Variants in PCDHGB3 observed in about 807,000 individuals in gnomAD.
PCDHGB3 encodes the protein protocadherin gamma subfamily B, 3, also known as protocadherin gamma-B3.
A neutral mutation model predicts 59.2 loss-of-function variants in PCDHGB3; 40 were observed. The observed-to-expected ratio is 0.68, with a 90% CI of 0.52 to 0.88. The LOEUF (loss-of-function observed/expected upper bound fraction) is 0.88, where lower values mean the gene tolerates loss of function less well. Among genes scored for constraint, PCDHGB3 ranks in the 40% least tolerant of loss-of-function variants. The pLI, the probability that PCDHGB3 is intolerant of heterozygous loss-of-function variation, is 0.00. For missense variants in PCDHGB3, 1,309 were observed against 1,187.9 expected (o/e 1.10, Z -1.50); for synonymous variants, 581 against 503.6 (o/e 1.15, Z -2.06).
chr5:141,499,466 G>C (rs1337970911), intron 2 of PCDHGB3, among the ~76,000 whole-genome samples: 1 of 152,034 alleles, frequency 6.6e-6, no homozygotes, highest in African/African-American at 2.4e-5. Flanking sequence ...TTACAATCTA[G>C]GGAGAACCAC....
In PCDHGB3 at chr5:141,486,858, C is replaced by T. The variant is rs2099636039; in HGVS notation, c.2416-7949C>T. The T allele has an allele frequency of 2.5e-6, 4 of 1,614,246 alleles. No homozygotes were observed. The highest frequency in any genetic ancestry group is 1.1e-5 in the South Asian group (1 of 91,088). On this transcript the variant is annotated intron_variant, in intron 1 of 3. Transcript: ENST00000576222. The surrounding 1 kb of genome is among the most constrained non-coding windows in gnomAD (Gnocchi z 5.0). ...TTTGTGCTGGACCTCAATGACAATGCTCCAGCTGTGCTCCGTCCTCGGGCC... is the reference window on the plus strand; with the variant it reads ...TTTGTGCTGGACCTCAATGACAATGTTCCAGCTGTGCTCCGTCCTCGGGCC...
At chr5:141,375,622 TCTGTACGCC>T in intron 1 of PCDHGB3, 1 of 1,614,200 alleles carries the variant, frequency 6.2e-7, no homozygotes. Flanking sequence ...ACACTGGGAT[TCTGTACGCC>T]CTGCGCTCCT....
At chr5:141,484,912 T>G (rs1594427765) in intron 1 of PCDHGB3, 1 of 437,066 alleles carries the variant, frequency 2.3e-6, no homozygotes, top group East Asian at 4.0e-5. Flanking sequence ...TGCGACGCAT[T>G]AACCCTGCTG....
At chr5:141,471,892 T>C (rs1429425311) in intron 1 of PCDHGB3, among the ~76,000 whole-genome samples, 1 of 152,166 alleles carries the variant, frequency 6.6e-6, no homozygotes, top group Admixed American at 6.6e-5. Context: ...GCTAGGAAGA[T>C]TGACTACAGA....
chr5:141,502,126 A>C (rs2154593060), intron 2 of PCDHGB3, among the ~76,000 whole-genome samples: 1 of 152,252 alleles, frequency 6.6e-6, no homozygotes, highest in South Asian at 2.1e-4. Flanking sequence ...AGGCCCACAG[A>C]GCTCAGTCGG....
At position 141,494,852 on chromosome 5, in the gene PCDHGB3, C is replaced by T. The variant is rs755464933; in HGVS notation, c.2461C>T (p.Pro821Ser). ...TDWRFSQAQR[P>S]GTSGSQNGDD... is the part of the protein sequence containing the mutation. Reference sequence around the variant, plus strand: ...CTGGCGTTTCTCTCAGGCCCAGAGACCCGGCACCAGCGGGTAGGTGACTGA... The same window carrying T: ...CTGGCGTTTCTCTCAGGCCCAGAGATCCGGCACCAGCGGGTAGGTGACTGA... The change falls in exon 2 of 4, where the codon CCC (proline) becomes TCC (serine). Residue 821 changes from proline (P) to serine (S), a missense_variant. Coordinates refer to ENST00000576222, the MANE Select transcript of PCDHGB3 (RefSeq NM_018924.5). 6 of 1,614,042 alleles carry T rather than the reference C, an allele frequency of 3.7e-6. No homozygotes were observed. Among genetic ancestry groups the T allele is most frequent in the Admixed American group, 1.7e-5 (1 of 60,000 alleles).
Position 141,438,011 on chromosome 5 carries a change from G to T in PCDHGB3, c.2416-56796G>T, listed in dbSNP as rs189978786. On this transcript the variant is annotated intron_variant, in intron 1 of 3. Coordinates refer to ENST00000576222, the MANE Select transcript of PCDHGB3 (RefSeq NM_018924.5). ...CCACCTCAGCCTCCCAAATAGCTGAGATTACAGGTGTGAGCCACCATGCCC... is the reference window on the plus strand; with the variant it reads ...CCACCTCAGCCTCCCAAATAGCTGATATTACAGGTGTGAGCCACCATGCCC... 2.8e-3 allele frequency among the ~76,000 whole-genome samples: 432 copies of T among 152,220 alleles called. 1 individual carries two copies. The highest frequency in any genetic ancestry group is 0.021 in the Admixed American group (318 of 15,288).
In PCDHGB3 at chr5:141,404,306, T is replaced by C. The variant is rs200297928; in HGVS notation, c.2415+31497T>C. 1,450 of 1,613,824 alleles carry C rather than the reference T, an allele frequency of 9.0e-4. 2 individuals carry two copies. Among genetic ancestry groups the C allele is most frequent in the Admixed American group, 2.4e-3 (143 of 60,004 alleles). ...TGACATCAATGATAATCCACCTGCT[T>C]TCTCTCAAGCCTCCTACTCAGTCTA... On this transcript the variant is annotated intron_variant, in intron 1 of 3. Coordinates refer to ENST00000576222, the MANE Select transcript of PCDHGB3 (RefSeq NM_018924.5).
chr5:141,375,513 T>C (rs1771538043), intron 1 of PCDHGB3: 2 of 1,614,038 alleles, frequency 1.2e-6, no homozygotes, highest in Non-Finnish European at 1.7e-6. Flanking sequence ...GTGAATGCAC[T>C]GGACCCTGAC....
At chr5:141,387,604 T>C (rs2091008879) in intron 1 of PCDHGB3, 2 of 547,084 alleles carry the variant, frequency 3.7e-6, no homozygotes, top group Non-Finnish European at 6.4e-6. Flanking sequence ...CAGCAGAGGC[T>C]GTAGTTTCCT....
rs1428910817 is a variant in PCDHGB3, at chr5:141,390,296, A to G, written c.2415+17487A>G. ...CTTCCCATCAGGTGAGTTTCCTTTA[A>G]GTATAATTTAATGCTCATTGCCTAC... On this transcript the variant is annotated intron_variant, in intron 1 of 3. Coordinates refer to ENST00000576222, the MANE Select transcript of PCDHGB3 (RefSeq NM_018924.5). 7 of 1,613,806 alleles carry G rather than the reference A, an allele frequency of 4.3e-6. No individual in the cohort carries two copies. The Admixed American group carries it at 1.2e-4, about 27-fold the overall frequency.
chr5:141,431,297 C>T lies in PCDHGB3; in HGVS notation c.2415+58488C>T. The T allele has an allele frequency of 6.2e-7, 1 of 1,614,126 alleles. No homozygotes were observed. The highest frequency in any genetic ancestry group is 8.5e-7 in the Non-Finnish European group (1 of 1,180,036). Reference sequence around the variant, plus strand: ...GCTCAGCCCGAACACTCACTTCTCCCTCATCGTGCAAAATGGAGCCGACGG... The same window carrying T: ...GCTCAGCCCGAACACTCACTTCTCCTTCATCGTGCAAAATGGAGCCGACGG... On this transcript the variant is annotated intron_variant, in intron 1 of 3. Coordinates refer to ENST00000576222, the MANE Select transcript of PCDHGB3 (RefSeq NM_018924.5). This position sits in a 1 kb window ranked among gnomAD's most constrained non-coding sequence, Gnocchi z 4.8.
intron 1 of PCDHGB3, among the ~76,000 whole-genome samples, chr5:141,456,250 C>T (rs1244300374): frequency 4.6e-5 from 7 of 152,014 alleles, no homozygotes; most frequent in African/African-American, 1.7e-4. Context: ...AGGCTTTGGG[C>T]GACCATTGCT....
chr5:141,468,159 T>C (rs1408861467), intron 1 of PCDHGB3, among the ~76,000 whole-genome samples: 2 of 151,760 alleles, frequency 1.3e-5, no homozygotes, highest in Admixed American at 6.6e-5. Context: ...ACCCTGTCTC[T>C]GCTAAAAATA....
intron 2 of PCDHGB3, among the ~76,000 whole-genome samples, chr5:141,503,091 G>A (rs2099818095): frequency 6.6e-6 from 1 of 151,808 alleles, no homozygotes; most frequent in African/African-American, 2.4e-5. Flanking sequence ...CTGACCTCGT[G>A]GTCTGCCCGC....
chr5:141,494,832 G>T lies in PCDHGB3; in HGVS notation c.2441G>T (p.Arg814Leu). 1 of 1,614,066 alleles carries T rather than the reference G, an allele frequency of 6.2e-7. No homozygotes were observed. ...CAAGCCCCGCCCAACACGGACTGGCGTTTCTCTCAGGCCCAGAGACCCGGC... is the reference window on the plus strand; with the variant it reads ...CAAGCCCCGCCCAACACGGACTGGCTTTTCTCTCAGGCCCAGAGACCCGGC... The part of the protein sequence containing the change: ...QKQAPPNTDW[R>L]FSQAQRPGTS... The change falls in exon 2 of 4, where the codon CGT becomes CTT. Residue 814 changes from arginine to leucine, a missense_variant. Transcript: ENST00000576222.
At chr5:141,405,140 G>A in intron 1 of PCDHGB3, 1 of 1,614,072 alleles carries the variant, frequency 6.2e-7, no homozygotes, top group Non-Finnish European at 8.5e-7. Flanking sequence ...GGCTACCAGT[G>A]ATGGGTTGGC....
Position 141,374,601 on chromosome 5 carries a change from G to C in PCDHGB3, c.2415+1792G>C, listed in dbSNP as rs772584663. 6.1e-5 allele frequency: 98 copies of C among 1,613,558 alleles called. No homozygotes were observed. Among genetic ancestry groups the C allele is most frequent in the Non-Finnish European group, 8.1e-5 (96 of 1,179,756 alleles). ...AACTCCCTTCAGGGATTTAAGCTCA[G>C]TGGTAATAGTCACTTCTCAGTGGAC... is the stretch of plus-strand genomic sequence containing the variant. On this transcript the variant is annotated intron_variant, in intron 1 of 3. Transcript: ENST00000576222.
chr5:141,421,557 C>T (rs764010392), intron 1 of PCDHGB3: 1 of 1,613,932 alleles, frequency 6.2e-7, no homozygotes, highest in South Asian at 1.1e-5. Context: ...TGGAACTTCT[C>T]GTGGAAGACA....
Sources: gnomAD v4.1 joint callset for allele counts (sites outside exome capture counted in the v4.1 genomes callset) on GRCh38, gnomAD v4.1.1 for gene constraint, Gnocchi (gnomAD v3.1) non-coding constraint, MANE v1.5 for transcripts, NCBI Gene and HGNC (gene_info 2026-07-23, HGNC 2026-07-21) for gene names.